GLRA3: variants seen among roughly 807,000 people sequenced by gnomAD.
GLRA3 encodes the protein glycine receptor alpha 3.
GLRA3 carries 44 observed loss-of-function variants against 60.4 expected under a neutral mutation model. The observed-to-expected ratio is 0.73, with a 90% confidence interval of 0.57 to 0.94. The LOEUF is 0.94. Ranked by LOEUF, GLRA3 falls within the 40% of genes least tolerant of loss-of-function variation. GLRA3 has a pLI of 0.00. For synonymous variants in GLRA3, 223 were observed against 192.9 expected, an observed-to-expected ratio of 1.16 and a Z score of -1.29; for missense variants, 508 against 564.6, an observed-to-expected ratio of 0.90 and a Z score of 1.02.
intron 3 of GLRA3, among the ~76,000 whole-genome samples, chr4:174,732,958 A>T (rs1736613901): frequency 6.6e-6 from 1 of 152,172 alleles, no homozygotes; most frequent in Admixed American, 6.5e-5. Context: ...TAATATTGGT[A>T]ATGTTTTAGC....
intron 3 of GLRA3, among the ~76,000 whole-genome samples, chr4:174,754,172 G>C (rs1162396209): frequency 6.6e-6 from 1 of 152,132 alleles, no homozygotes; most frequent in Non-Finnish European, 1.5e-5. Flanking sequence ...GGATGACTTG[G>C]TGGATGAATT....
At position 174,705,622 on chromosome 4, in the gene GLRA3, C is replaced by T. The variant is rs1251991840; in HGVS notation, c.574+9866G>A. On this transcript the variant is annotated intron_variant, in intron 5 of 9. Coordinates refer to ENST00000274093, the MANE Select transcript of GLRA3 (RefSeq NM_006529.4). ...ATGTAAGAGAAGAGGGGAGTCATTC[C>T]GGACAACCAACTTGATGTTTTCTTT... Among the ~76,000 whole-genome samples, 6 of 139,954 alleles carry T rather than the reference C, an allele frequency of 4.3e-5. 1 individual carries two copies. The highest frequency in any genetic ancestry group is 7.6e-5 in the African/African-American group (3 of 39,390). 91.8% of individuals were successfully genotyped at this position (139,954 alleles called of 152,430 possible).
At position 174,820,547 on chromosome 4, in the gene GLRA3, T is replaced by C. The variant is rs146453206; in HGVS notation, c.71+8194A>G. On this transcript the variant is annotated intron_variant, in intron 1 of 9. Transcript: ENST00000274093. ...GCAACAGCGCTGGGATATGTGGCAC[T>C]GGCACACAGAGGAAGCATCCTCACC... 5.3e-3 allele frequency among the ~76,000 whole-genome samples: 801 copies of C among 152,234 alleles called. 5 individuals carry two copies. Among genetic ancestry groups the C allele is most frequent in the African/African-American group, 0.018 (765 of 41,550 alleles).
At chr4:174,825,070 T>C (rs527671299) in intron 1 of GLRA3, among the ~76,000 whole-genome samples, 1 of 152,236 alleles carries the variant, frequency 6.6e-6, no homozygotes, top group African/African-American at 2.4e-5. Flanking sequence ...CAGGGCAAAT[T>C]GCTTGAGGCA....
intron 9 of GLRA3, among the ~76,000 whole-genome samples, chr4:174,650,222 T>C (rs946891345): frequency 6.6e-6 from 1 of 152,114 alleles, no homozygotes; most frequent in Non-Finnish European, 1.5e-5. Flanking sequence ...GAGAAAAAAC[T>C]TGTGGCACTG....
At chr4:174,714,730 T>G (rs1043584401) in intron 5 of GLRA3, among the ~76,000 whole-genome samples, 2 of 152,168 alleles carry the variant, frequency 1.3e-5, no homozygotes, top group African/African-American at 4.8e-5. Flanking sequence ...TAAGGTAAAA[T>G]ATTGCATATT....
At chr4:174,798,430 T>C (rs905533088) in intron 1 of GLRA3, among the ~76,000 whole-genome samples, 1 of 152,152 alleles carries the variant, frequency 6.6e-6, no homozygotes. Flanking sequence ...CTTTTACCCA[T>C]CTCCCTATGC....
In GLRA3 at chr4:174,759,363, T is replaced by C. The variant is rs193159784; in HGVS notation, c.267+7600A>G. On this transcript the variant is annotated intron_variant, in intron 3 of 9. Transcript: ENST00000274093. ...TTATAATTTTAAAAGCCTATTTTAA[T>C]AATGAAGTATAAATAATTAAATCTA... is the stretch of plus-strand genomic sequence containing the variant. 5.0e-3 allele frequency among the ~76,000 whole-genome samples: 757 copies of C among 152,218 alleles called. 4 individuals are homozygous for C. Among genetic ancestry groups the C allele is most frequent in the Non-Finnish European group, 8.3e-3 (566 of 67,914 alleles).
intron 3 of GLRA3, among the ~76,000 whole-genome samples, chr4:174,760,278 A>T (rs1737885861): frequency 6.6e-6 from 1 of 152,180 alleles, no homozygotes. Context: ...CTTTACAACC[A>T]TTATGTAAGT....
intron 5 of GLRA3, among the ~76,000 whole-genome samples, chr4:174,695,385 C>A (rs1310499791): frequency 6.6e-6 from 1 of 152,070 alleles, no homozygotes; most frequent in Non-Finnish European, 1.5e-5. Context: ...AAAAGCTAAT[C>A]CACCATGATC....
Position 174,641,397 on chromosome 4 carries a change from G to A in GLRA3, c.*2389C>T, listed in dbSNP as rs1282229880. The A allele has an allele frequency of 6.6e-6, 1 of 152,040 alleles. No individual in the cohort carries two copies. Among genetic ancestry groups the A allele is most frequent in the Non-Finnish European group, 1.5e-5 (1 of 67,944 alleles). 9.4% of individuals were successfully genotyped at this position (152,040 alleles called of 1,614,324 possible). ...AGTTTTAAAAGGTCTATAAGAGTTC[G>A]AAGGAGGAGACACATTCCTTTAAAC... On this transcript the variant is annotated 3_prime_UTR_variant, in exon 10 of 10. Coordinates refer to ENST00000274093, the MANE Select transcript of GLRA3 (RefSeq NM_006529.4).
chr4:174,798,144 C>G (rs529498429), intron 1 of GLRA3, among the ~76,000 whole-genome samples: 2 of 152,092 alleles, frequency 1.3e-5, no homozygotes, highest in African/African-American at 4.8e-5. Context: ...CCACAATGTT[C>G]CATGTATCTC....
chr4:174,685,333 C>T (rs1045226828), intron 5 of GLRA3, among the ~76,000 whole-genome samples: 2 of 152,158 alleles, frequency 1.3e-5, no homozygotes, highest in African/African-American at 2.4e-5. Context: ...TATCTCACAC[C>T]GTCCACTCTA....
chr4:174,756,821 T>A (rs1025548528), intron 3 of GLRA3, among the ~76,000 whole-genome samples: 1 of 151,442 alleles, frequency 6.6e-6, no homozygotes, highest in Non-Finnish European at 1.5e-5. Flanking sequence ...ATATTTTGTA[T>A]TTTTTTTAGT....
intron 3 of GLRA3, among the ~76,000 whole-genome samples, chr4:174,738,203 A>G (rs756395503): frequency 2.0e-5 from 3 of 152,230 alleles, no homozygotes; most frequent in Non-Finnish European, 2.9e-5. Context: ...AGCTCTTGAC[A>G]GTAACAGATG....
At chr4:174,761,530 T>A (rs1461322571) in intron 3 of GLRA3, among the ~76,000 whole-genome samples, 1 of 152,210 alleles carries the variant, frequency 6.6e-6, no homozygotes, top group African/African-American at 2.4e-5. Flanking sequence ...TCTCATTTTA[T>A]AAAAATGGTT....
At chr4:174,650,043 T>G (rs1732971755) in intron 9 of GLRA3, among the ~76,000 whole-genome samples, 2 of 152,134 alleles carry the variant, frequency 1.3e-5, no homozygotes, top group South Asian at 4.1e-4. Flanking sequence ...GTTTGGAAAC[T>G]AGTGGCACCT....
intron 1 of GLRA3, among the ~76,000 whole-genome samples, chr4:174,798,618 G>A (rs1739665845): frequency 6.6e-6 from 1 of 151,794 alleles, no homozygotes; most frequent in African/African-American, 2.4e-5. Flanking sequence ...AGGCCACCAT[G>A]GAAGAATATT....
At chr4:174,777,101 T>C (rs977759416) in intron 2 of GLRA3, among the ~76,000 whole-genome samples, 7 of 151,940 alleles carry the variant, frequency 4.6e-5, no homozygotes, top group Admixed American at 1.3e-4. Flanking sequence ...TTTACAGAAA[T>C]GACACAAAAC....
Sources: allele counts gnomAD v4.1 joint callset (sites outside exome capture counted in the v4.1 genomes callset), GRCh38; gene constraint gnomAD v4.1.1; transcripts MANE v1.5; gene names NCBI Gene and HGNC (gene_info 2026-07-23, HGNC 2026-07-21).